SYK: variants seen among roughly 807,000 people sequenced by gnomAD.
SYK encodes spleen associated tyrosine kinase.
Under a neutral mutation model 77.8 loss-of-function variants are expected in SYK, and 16 were observed. The ratio of observed to expected loss-of-function variants is 0.21; its 90% CI spans 0.14 to 0.31. The LOEUF is 0.31. Among genes scored for constraint, SYK ranks in the 10% least tolerant of loss-of-function variants. The pLI is 1.00. For synonymous variants in SYK, 312 were observed against 308.7 expected (o/e 1.01, Z -0.11); for missense variants, 529 against 814.4 (o/e 0.65, Z 4.26).
At chr9:90,813,314 C>A (rs1825166291) in intron 1 of SYK, among the ~76,000 whole-genome samples, 1 of 152,040 alleles carries the variant, frequency 6.6e-6, no homozygotes, top group South Asian at 2.1e-4. Flanking sequence ...ACCTCCCCAC[C>A]CCAGCCACCT....
chr9:90,884,644 T>C lies in SYK; in HGVS notation c.1582-3105T>C, dbSNP rs1336632211. On this transcript the variant is annotated intron_variant, in intron 11 of 13. Transcript: ENST00000375754. ...ACACATATGTGTACATGTACATATA[T>C]ACACATATACACATATGTGTACATG... is the stretch of plus-strand genomic sequence containing the variant. Among the ~76,000 whole-genome samples the C allele has an allele frequency of 4.3e-5, 3 of 69,040 alleles. 1 individual carries two copies. The highest frequency in any genetic ancestry group is 2.0e-4 in the African/African-American group (3 of 15,110). The allele number at this position is 69,040 out of a possible 152,430, so 45.3% of individuals were successfully genotyped here.
chr9:90,838,499 C>T (rs754228952), intron 1 of SYK, among the ~76,000 whole-genome samples: 5 of 152,128 alleles, frequency 3.3e-5, no homozygotes, highest in Non-Finnish European at 7.4e-5. Flanking sequence ...ACTTGTGTCA[C>T]AAAAAAGGTC....
intron 1 of SYK, among the ~76,000 whole-genome samples, chr9:90,843,088 A>G (rs1366829288): frequency 1.3e-5 from 2 of 152,072 alleles, no homozygotes; most frequent in African/African-American, 4.8e-5. Context: ...TCTCTTTAGC[A>G]CGGGCCCTGC....
chr9:90,890,092 G>A (rs116659138), intron 13 of SYK, among the ~76,000 whole-genome samples: 2,945 of 152,274 alleles, frequency 0.019, 92 homozygotes, highest in African/African-American at 0.067. Context: ...TGCATTTAAC[G>A]TTGATGCTGA....
At chr9:90,856,242 T>C (rs1039484108) in intron 3 of SYK, among the ~76,000 whole-genome samples, 2 of 152,218 alleles carry the variant, frequency 1.3e-5, no homozygotes, top group Admixed American at 6.5e-5. Flanking sequence ...TTAAGTAATG[T>C]GTATAAAGCT....
intron 1 of SYK, among the ~76,000 whole-genome samples, chr9:90,837,627 G>A (rs991920113): frequency 6.6e-6 from 1 of 152,136 alleles, no homozygotes; most frequent in African/African-American, 2.4e-5. Context: ...TGATGTGGAT[G>A]GAGAGGTTCC....
At position 90,862,373 on chromosome 9, in the gene SYK, G is replaced by A. The variant is rs191564457; in HGVS notation, c.717+29G>A. 31 of 1,609,228 alleles carry A rather than the reference G, an allele frequency of 1.9e-5. No homozygotes were observed. The African/African-American group carries it at 3.9e-4, about 20-fold the overall frequency. On this transcript the variant is annotated intron_variant, in intron 4 of 13. Transcript: ENST00000375754. The stretch of plus-strand genomic sequence containing the variant: ...CCCAGCCTCCTCTCCCCACCTTGTG[G>A]GTAGAGTACAGGGCACGTGGGGCTC...
chr9:90,860,060 C>T (rs1827196829), intron 3 of SYK, among the ~76,000 whole-genome samples: 1 of 152,164 alleles, frequency 6.6e-6, no homozygotes, highest in Non-Finnish European at 1.5e-5. Flanking sequence ...GCAGTCTTGG[C>T]TCACTGCAGC....
intron 1 of SYK, among the ~76,000 whole-genome samples, chr9:90,805,409 T>C (rs578010247): frequency 1.3e-5 from 2 of 152,288 alleles, no homozygotes; most frequent in African/African-American, 4.8e-5. Flanking sequence ...AGAGATGTCT[T>C]GACCTGAGTG....
intron 3 of SYK, among the ~76,000 whole-genome samples, chr9:90,854,404 A>G (rs1046876554): frequency 6.6e-6 from 1 of 152,084 alleles, no homozygotes; most frequent in Non-Finnish European, 1.5e-5. Flanking sequence ...GCGATCTGAG[A>G]GGCATGCATG....
intron 11 of SYK, among the ~76,000 whole-genome samples, chr9:90,880,938 C>A (rs576679900): frequency 4.1e-4 from 63 of 152,322 alleles, no homozygotes; most frequent in Non-Finnish European, 7.9e-4. Flanking sequence ...CTTGGGCTTC[C>A]CTTGGGCCCA....
At chr9:90,873,923 C>G (rs1827830979) in intron 7 of SYK, among the ~76,000 whole-genome samples, 1 of 152,202 alleles carries the variant, frequency 6.6e-6, no homozygotes, top group Non-Finnish European at 1.5e-5. Context: ...GGAAGCAGCT[C>G]TATCCAGGCC....
intron 1 of SYK, among the ~76,000 whole-genome samples, chr9:90,803,684 C>T (rs532553108): frequency 4.1e-4 from 62 of 151,952 alleles, no homozygotes; most frequent in African/African-American, 1.5e-3. Context: ...ACATTGTTTG[C>T]CCATGGTTAT....
chr9:90,878,983 A>G, intron 11 of SYK, 30 bp downstream of exon 11: 2 of 1,491,222 alleles, frequency 1.3e-6, no homozygotes, highest in Non-Finnish European at 1.8e-6. Context: ...TATTCAGAGC[A>G]GCAGGTGGTA....
intron 1 of SYK, among the ~76,000 whole-genome samples, chr9:90,817,089 A>AT (rs1825318086): frequency 6.6e-6 from 1 of 151,940 alleles, no homozygotes; most frequent in Non-Finnish European, 1.5e-5. Flanking sequence ...GTTTTTTGCA[A>AT]TTTTTTGTTT....
In SYK at chr9:90,884,700, CATGTACAT is replaced by C. The variant is rs1397435454; in HGVS notation, c.1582-3046_1582-3039del. Among the ~76,000 whole-genome samples, 5 of 28,532 alleles carry C rather than the reference CATGTACAT, an allele frequency of 1.8e-4. 1 individual carries two copies. Among genetic ancestry groups the C allele is most frequent in the South Asian group, 2.1e-3 (2 of 964 alleles). 18.7% of individuals were successfully genotyped at this position (28,532 alleles called of 152,430 possible). On this transcript the variant is annotated intron_variant, in intron 11 of 13. Transcript: ENST00000375754. Reference sequence around the variant, plus strand: ...ATATACACATATACACATATGTGTACATGTACATATACACATATACACATATGTGTACA... The same window carrying C: ...ATATACACATATACACATATGTGTACATACACATATACACATATGTGTACA...
chr9:90,813,180 G>A (rs1825159422), intron 1 of SYK, among the ~76,000 whole-genome samples: 2 of 152,086 alleles, frequency 1.3e-5, no homozygotes, highest in Admixed American at 1.3e-4. Context: ...TTTCGCTCCT[G>A]GTTGAGAGTT....
chr9:90,805,047 G>C (rs1376904537), intron 1 of SYK, among the ~76,000 whole-genome samples: 1 of 152,004 alleles, frequency 6.6e-6, no homozygotes. Context: ...GTTGAATTTA[G>C]CCAAGACCAA....
intron 3 of SYK, among the ~76,000 whole-genome samples, chr9:90,846,396 A>C (rs1404297148): frequency 6.6e-6 from 1 of 152,222 alleles, no homozygotes; most frequent in Non-Finnish European, 1.5e-5. Flanking sequence ...ATGGTTTGGC[A>C]ATTGGTGAAT....
Sources: allele counts gnomAD v4.1 joint callset (sites outside exome capture counted in the v4.1 genomes callset), GRCh38; gene constraint gnomAD v4.1.1; transcripts MANE v1.5; gene names NCBI Gene and HGNC (gene_info 2026-07-23, HGNC 2026-07-21).